FAM120A: variants seen among roughly 807,000 people sequenced by gnomAD.
FAM120A encodes constitutive coactivator of PPAR-gamma-like protein 1.
FAM120A carries 15 observed loss-of-function variants against 109.7 expected under a neutral mutation model. The ratio of observed to expected loss-of-function variants is 0.14; its 90% CI spans 0.09 to 0.21. FAM120A has a LOEUF of 0.21. Among genes scored for constraint, FAM120A ranks in the 10% least tolerant of loss-of-function variants. The pLI is 1.00. For synonymous variants in FAM120A, 493 were observed against 572.8 expected (o/e 0.86, Z 1.99); for missense variants, 899 against 1,439.3 (o/e 0.62, Z 6.07).
chr9:93,553,093 C>T (rs967278293), intron 12 of FAM120A, among the ~76,000 whole-genome samples: 1 of 152,184 alleles, frequency 6.6e-6, no homozygotes. Context: ...TGAGAGTGTT[C>T]CATGTGGCTC....
chr9:93,514,731 T>C (rs1367034288), intron 5 of FAM120A, among the ~76,000 whole-genome samples: 1 of 152,242 alleles, frequency 6.6e-6, no homozygotes, highest in Non-Finnish European at 1.5e-5. Context: ...CGGTCCTTGT[T>C]ACTGCGGGTC....
At chr9:93,557,127 G>GTTTTTTT (rs60903831) in intron 13 of FAM120A, among the ~76,000 whole-genome samples, 2 of 120,188 alleles carry the variant, frequency 1.7e-5, no homozygotes, top group African/African-American at 3.2e-5. Context: ...GTTTGTTTTG[G>GTTTTTTT]TTTTTTTTTT....
intron 7 of FAM120A, among the ~76,000 whole-genome samples, chr9:93,518,104 G>A (rs529616211): frequency 6.6e-6 from 1 of 152,294 alleles, no homozygotes; most frequent in Non-Finnish European, 1.5e-5. Context: ...AGTGCCATGA[G>A]GAATGCAGGG....
chr9:93,461,180 A>G (rs902366921), intron 1 of FAM120A, among the ~76,000 whole-genome samples: 1 of 152,216 alleles, frequency 6.6e-6, no homozygotes, highest in East Asian at 1.9e-4. Flanking sequence ...TCTGGAATCA[A>G]TTAACTTTCT....
chr9:93,552,437 T>A (rs2131548443), intron 12 of FAM120A, among the ~76,000 whole-genome samples: 2 of 152,352 alleles, frequency 1.3e-5, no homozygotes, highest in Middle Eastern at 3.4e-3. Flanking sequence ...TGGGTCTTGC[T>A]TGTCTGGAGG....
At chr9:93,482,184 ATTTTTTTTT>A (rs386415495) in intron 3 of FAM120A, among the ~76,000 whole-genome samples, 1 of 118,370 alleles carries the variant, frequency 8.4e-6, no homozygotes, top group South Asian at 2.7e-4. Context: ...ATTCACCTCC[ATTTTTTTTT>A]TTTTTTTTTT....
At chr9:93,453,855 T>C (rs1240228611) in intron 1 of FAM120A, among the ~76,000 whole-genome samples, 3 of 152,210 alleles carry the variant, frequency 2.0e-5, no homozygotes, top group African/African-American at 7.2e-5. Flanking sequence ...TTAGTCTTGT[T>C]CAGAGATGGA....
In FAM120A at chr9:93,471,031, A is replaced by T. The variant is rs985293919; in HGVS notation, c.475-110A>T. The T allele has an allele frequency of 4.5e-6, 6 of 1,320,788 alleles. No homozygotes were observed. In the African/African-American group the frequency reaches 8.8e-5, roughly 19 times the overall value. The allele number at this position is 1,320,788 out of a possible 1,614,324, so 81.8% of individuals were successfully genotyped here. On this transcript the variant is annotated intron_variant, in intron 1 of 17. Coordinates refer to ENST00000277165, the MANE Select transcript of FAM120A (RefSeq NM_014612.5). The stretch of plus-strand genomic sequence containing the variant: ...TTTTTTGACTGTTTGGCTTTCACGG[A>T]TAGTTTTCATAAATGTGATTTTTCA...
intron 3 of FAM120A, among the ~76,000 whole-genome samples, chr9:93,481,502 C>T (rs1323606577): frequency 6.6e-6 from 1 of 152,032 alleles, no homozygotes; most frequent in African/African-American, 2.4e-5. Flanking sequence ...TTAAGTTGGA[C>T]CTGTTTAGTT....
At position 93,504,084 on chromosome 9, in the gene FAM120A, G is replaced by A. The variant is rs1859927514; in HGVS notation, c.1030+5198G>A. On this transcript the variant is annotated intron_variant, in intron 5 of 17. Coordinates refer to ENST00000277165, the MANE Select transcript of FAM120A (RefSeq NM_014612.5). ...GCTGGTTCTGATTGATTAGATTATT[G>A]TTGAGTGGGGTTTGGGGGTTCAGGC... Among the ~76,000 whole-genome samples the A allele has an allele frequency of 2.0e-5, 3 of 152,150 alleles. No homozygotes were observed. In the South Asian group the frequency reaches 6.2e-4, roughly 31 times the overall value.
At chr9:93,484,589 T>C (rs1246183679) in intron 3 of FAM120A, among the ~76,000 whole-genome samples, 1 of 152,094 alleles carries the variant, frequency 6.6e-6, no homozygotes, top group Non-Finnish European at 1.5e-5. Context: ...TTATTATTAT[T>C]TTAAGACAGA....
At chr9:93,474,199 G>GT (rs1304220900) in intron 2 of FAM120A, among the ~76,000 whole-genome samples, 1 of 152,072 alleles carries the variant, frequency 6.6e-6, no homozygotes, top group Non-Finnish European at 1.5e-5. Flanking sequence ...TGTTGTTGTT[G>GT]TTTTTTGAGA....
At chr9:93,558,830 G>A (rs1005212281) in intron 15 of FAM120A, 112 bp downstream of exon 15, 19 of 1,292,602 alleles carry the variant, frequency 1.5e-5, no homozygotes, top group South Asian at 4.2e-5. Flanking sequence ...CCAGCAGAAC[G>A]GCCTTTCTTC....
At chr9:93,501,137 C>T (rs1217753959) in intron 5 of FAM120A, among the ~76,000 whole-genome samples, 1 of 152,188 alleles carries the variant, frequency 6.6e-6, no homozygotes, top group Non-Finnish European at 1.5e-5. Context: ...CCGGCAGTCT[C>T]CTGTGTTTCA....
In FAM120A at chr9:93,565,641, T is replaced by C. The variant is rs539575198; in HGVS notation, c.*1101T>C. 6.6e-6 allele frequency: 1 copy of C among 152,342 alleles called. No individual in the cohort carries two copies. The highest frequency in any genetic ancestry group is 2.1e-4 in the South Asian group (1 of 4,816). 9.4% of individuals were successfully genotyped at this position (152,342 alleles called of 1,614,324 possible). ...GCATTATTGTTCTTTGTTGCTGTTT[T>C]ATGCCTTCATATTAGCAAATATGAA... is the stretch of plus-strand genomic sequence containing the variant. On this transcript the variant is annotated 3_prime_UTR_variant, in exon 18 of 18. Coordinates refer to ENST00000277165, the MANE Select transcript of FAM120A (RefSeq NM_014612.5).
chr9:93,548,655 G>A (rs1861983244), intron 11 of FAM120A, among the ~76,000 whole-genome samples: 2 of 152,122 alleles, frequency 1.3e-5, no homozygotes, highest in Non-Finnish European at 2.9e-5. Context: ...ATACTTCAGG[G>A]CAAAGAACAT....
At chr9:93,548,174 C>T (rs1181372198) in intron 11 of FAM120A, among the ~76,000 whole-genome samples, 3 of 152,026 alleles carry the variant, frequency 2.0e-5, no homozygotes, top group Non-Finnish European at 4.4e-5. Flanking sequence ...GGTGCCATCT[C>T]GGCTCACTTC....
chr9:93,540,936 G>T (rs1861675366), intron 10 of FAM120A, among the ~76,000 whole-genome samples: 1 of 152,040 alleles, frequency 6.6e-6, no homozygotes, highest in Non-Finnish European at 1.5e-5. Context: ...GAAAGGGAAA[G>T]AAAAAAATGA....
At position 93,452,399 on chromosome 9, in the gene FAM120A, G is replaced by A; in HGVS notation, c.474+10G>A. ...CCGCTTCCACGTCAAGGTGAGGCCG[G>A]GGATCCGGGCGGGCCGGGGACCGGG... On this transcript the variant is annotated intron_variant, in intron 1 of 17. Coordinates refer to ENST00000277165, the MANE Select transcript of FAM120A (RefSeq NM_014612.5). This position sits in a 1 kb window ranked among gnomAD's most constrained non-coding sequence, Gnocchi z 7.0. 1 of 1,600,056 alleles carries A rather than the reference G, an allele frequency of 6.2e-7. No individual in the cohort carries two copies. Among genetic ancestry groups the A allele is most frequent in the South Asian group, 1.1e-5 (1 of 89,274 alleles).
Sources: allele counts gnomAD v4.1 joint callset (sites outside exome capture counted in the v4.1 genomes callset), GRCh38; gene constraint gnomAD v4.1.1; non-coding constraint Gnocchi (gnomAD v3.1); transcripts MANE v1.5; gene names NCBI Gene and HGNC (gene_info 2026-07-23, HGNC 2026-07-21).